The following ALG14 variants were observed in gnomAD, a reference collection of about 807,000 sequenced individuals.
The protein encoded by ALG14 is UDP-N-acetylglucosamine transferase subunit ALG14.
ALG14 carries 17 observed loss-of-function variants against 22.8 expected under a neutral mutation model. The observed-to-expected ratio is 0.75, with a 90% CI of 0.51 to 1.12. The LOEUF (loss-of-function observed/expected upper bound fraction) is 1.12. Ranked by LOEUF, ALG14 falls within the 50% of genes most tolerant of loss-of-function variation. The probability of loss-of-function intolerance (pLI) is 0.00; values close to 1 mark genes in which losing one functional copy is unlikely to be tolerated. For missense variants in ALG14, 288 were observed against 271.8 expected (o/e 1.06, Z -0.42); for synonymous variants, 89 against 103.7 (o/e 0.86, Z 0.86).
intron 3 of ALG14, among the ~76,000 whole-genome samples, chr1:95,005,165 G>C (rs945843184): frequency 2.0e-5 from 3 of 152,214 alleles, no homozygotes; most frequent in African/African-American, 7.2e-5. Flanking sequence ...GCCAGGTCTT[G>C]ATGCATGAGG....
chr1:95,009,387 A>G (rs1372403228), intron 3 of ALG14, among the ~76,000 whole-genome samples: 1 of 152,064 alleles, frequency 6.6e-6, no homozygotes, highest in African/African-American at 2.4e-5. Context: ...AGTGATTACT[A>G]TAGTAAGTAG....
At chr1:95,025,882 A>C (rs1673797289) in intron 3 of ALG14, among the ~76,000 whole-genome samples, 1 of 152,216 alleles carries the variant, frequency 6.6e-6, no homozygotes, top group Non-Finnish European at 1.5e-5. Flanking sequence ...TCTCCATATC[A>C]GCAATGAGGC....
intron 3 of ALG14, chr1:95,022,487 G>A (rs764757452): frequency 2.4e-5 from 10 of 416,828 alleles, no homozygotes; most frequent in Non-Finnish European, 3.2e-5. Context: ...GTACAGTGCA[G>A]GGCCAGTCCT....
At chr1:95,009,824 A>G (rs1362308223) in intron 3 of ALG14, among the ~76,000 whole-genome samples, 1 of 152,188 alleles carries the variant, frequency 6.6e-6, no homozygotes, top group Non-Finnish European at 1.5e-5. Context: ...CAGCATTAAT[A>G]TCTTGGCTTT....
intron 2 of ALG14, chr1:95,035,777 A>G (rs1674167160): frequency 6.6e-6 from 1 of 152,352 alleles, no homozygotes; most frequent in Non-Finnish European, 1.5e-5. Flanking sequence ...ATCATAAACC[A>G]CAACAGAGGA....
At chr1:95,021,932 T>C (rs1039048029) in intron 3 of ALG14, among the ~76,000 whole-genome samples, 2 of 152,200 alleles carry the variant, frequency 1.3e-5, no homozygotes, top group Admixed American at 6.5e-5. Context: ...GGAAAACACA[T>C]TGGCTTTCAC....
Position 95,027,166 on chromosome 1 carries a change from A to G in ALG14, c.383T>C (p.Leu128Pro). 1 of 1,614,110 alleles carries G rather than the reference A, an allele frequency of 6.2e-7. No homozygotes were observed. The highest frequency in any genetic ancestry group is 1.3e-5 in the African/African-American group (1 of 75,050). Reference sequence around the variant, plus strand: ...CACCCTGTGAATTAGGGGAAAGGAGAGCCACATGGAGTGCAAGGTGGTGAA... The same window carrying G: ...CACCCTGTGAATTAGGGGAAAGGAGGGCCACATGGAGTGCAAGGTGGTGAA... Reference protein sequence around the residue: ...TVFTTLHSMWLSFPLIHRVKP... With the variant: ...TVFTTLHSMWPSFPLIHRVKP... Residue 128 changes from leucine to proline, a missense_variant, in exon 3 of 4, where the codon CTC becomes CCC. Transcript: ENST00000370205.
At chr1:95,067,524 C>T (rs1290040309) in intron 1 of ALG14, 3 of 152,162 alleles carry the variant, frequency 2.0e-5, no homozygotes, top group Non-Finnish European at 4.4e-5. Context: ...AAACTTGTTA[C>T]TGAATAAAGT....
At chr1:95,007,419 C>T (rs1301488146) in intron 3 of ALG14, among the ~76,000 whole-genome samples, 1 of 152,204 alleles carries the variant, frequency 6.6e-6, no homozygotes, top group Non-Finnish European at 1.5e-5. Context: ...CCACCCTTTC[C>T]AGGGGCTTGG....
intron 3 of ALG14, among the ~76,000 whole-genome samples, chr1:95,024,797 T>C (rs1673765484): frequency 6.6e-6 from 1 of 152,212 alleles, no homozygotes; most frequent in Non-Finnish European, 1.5e-5. Flanking sequence ...AGGCTCTACT[T>C]CTAATTCTAG....
At chr1:95,031,002 A>C (rs1212169136) in intron 2 of ALG14, among the ~76,000 whole-genome samples, 1 of 152,180 alleles carries the variant, frequency 6.6e-6, no homozygotes, top group Non-Finnish European at 1.5e-5. Flanking sequence ...TGTACCATAC[A>C]AGGAGCCAAC....
At chr1:95,070,594 C>T (rs958680877) in intron 1 of ALG14, among the ~76,000 whole-genome samples, 2 of 152,172 alleles carry the variant, frequency 1.3e-5, no homozygotes, top group Admixed American at 6.5e-5. Flanking sequence ...GGTTTGCTCC[C>T]CAGACACCCA....
At chr1:95,011,847 C>T (rs551222455) in intron 3 of ALG14, among the ~76,000 whole-genome samples, 1 of 152,180 alleles carries the variant, frequency 6.6e-6, no homozygotes, top group South Asian at 2.1e-4. Flanking sequence ...CTATATGTGA[C>T]TAAGTGTTTT....
At chr1:95,017,499 C>T (rs531667893) in intron 3 of ALG14, among the ~76,000 whole-genome samples, 2 of 152,188 alleles carry the variant, frequency 1.3e-5, no homozygotes, top group East Asian at 3.9e-4. Flanking sequence ...CCTCTAGGGT[C>T]TTTGTGACAA....
intron 3 of ALG14, among the ~76,000 whole-genome samples, chr1:95,006,691 T>C (rs1413057036): frequency 1.3e-5 from 2 of 152,238 alleles, no homozygotes; most frequent in East Asian, 1.9e-4. Flanking sequence ...ATCAATTTCT[T>C]TTCCATGCTT....
At chr1:95,028,772 T>G (rs1040672320) in intron 2 of ALG14, among the ~76,000 whole-genome samples, 15 of 151,980 alleles carry the variant, frequency 9.9e-5, no homozygotes, top group Admixed American at 7.9e-4. Flanking sequence ...GCACTCCAGC[T>G]TGGGTGATAG....
At chr1:95,072,690 G>C in intron 1 of ALG14, 73 bp downstream of exon 1, 1 of 1,577,400 alleles carries the variant, frequency 6.3e-7, no homozygotes, top group Non-Finnish European at 8.7e-7. Flanking sequence ...GGGTACCAGG[G>C]AAGAGCGTCG....
At chr1:94,996,053 C>G (rs1353676705) in intron 3 of ALG14, among the ~76,000 whole-genome samples, 2 of 152,230 alleles carry the variant, frequency 1.3e-5, no homozygotes, top group Non-Finnish European at 2.9e-5. Flanking sequence ...GGTAGGACTT[C>G]AGGAAAGCAA....
At chr1:95,055,386 A>C (rs1674890025) in intron 2 of ALG14, among the ~76,000 whole-genome samples, 1 of 152,196 alleles carries the variant, frequency 6.6e-6, no homozygotes, top group Non-Finnish European at 1.5e-5. Flanking sequence ...CATACCACCA[A>C]CACGGAAAAT....
Sources: allele counts gnomAD v4.1 joint callset (sites outside exome capture counted in the v4.1 genomes callset), GRCh38; gene constraint gnomAD v4.1.1; transcripts MANE v1.5; gene names NCBI Gene and HGNC (gene_info 2026-07-23, HGNC 2026-07-21).